The following ASTN1 variants were observed in gnomAD, a reference collection of about 807,000 sequenced individuals.
ASTN1 encodes the protein astrotactin 1, also known as astrotactin-1.
Under a neutral mutation model 140.7 loss-of-function variants are expected in ASTN1, and 41 were observed. That is an observed-to-expected ratio of 0.29 (90% CI 0.23 to 0.38). The LOEUF is 0.38. Ranked by LOEUF, ASTN1 falls within the 10% of genes least tolerant of loss-of-function variation. ASTN1 has a pLI of 1.00. For synonymous variants in ASTN1, 640 were observed against 652.2 expected, an observed-to-expected ratio of 0.98 and a Z score of 0.29; for missense variants, 1,479 against 1,678.8, an observed-to-expected ratio of 0.88 and a Z score of 2.08.
intron 16 of ASTN1, among the ~76,000 whole-genome samples, chr1:176,915,957 G>C (rs1670461154): frequency 6.6e-6 from 1 of 152,200 alleles, no homozygotes; most frequent in African/African-American, 2.4e-5. Context: ...GGAGGTATTA[G>C]AATGTTTTAC....
intron 5 of ASTN1, among the ~76,000 whole-genome samples, 195 bp from the exon 6 acceptor site, chr1:177,024,927 G>A (rs1676033530): frequency 6.6e-6 from 1 of 152,164 alleles, no homozygotes; most frequent in Non-Finnish European, 1.5e-5. Flanking sequence ...TGGAGTCAGA[G>A]GGGACTTGGC....
At chr1:177,030,262 TG>T (rs1337343788) in intron 4 of ASTN1, among the ~76,000 whole-genome samples, 1 of 152,244 alleles carries the variant, frequency 6.6e-6, no homozygotes, top group African/African-American at 2.4e-5. Flanking sequence ...ACATTTCATG[TG>T]TATACTCTCT....
chr1:177,055,678 T>C (rs960467818), intron 2 of ASTN1, among the ~76,000 whole-genome samples: 4 of 152,202 alleles, frequency 2.6e-5, no homozygotes, highest in Admixed American at 6.5e-5. Flanking sequence ...TTCCGACTTA[T>C]TACTCTATCT....
intron 1 of ASTN1, among the ~76,000 whole-genome samples, chr1:177,129,400 G>A (rs561590841): frequency 3.3e-5 from 5 of 152,238 alleles, no homozygotes; most frequent in East Asian, 1.9e-4. Context: ...CTTGTAGGTC[G>A]CAAGGAACCC....
chr1:176,950,993 C>T (rs1032759610), intron 11 of ASTN1, among the ~76,000 whole-genome samples: 1 of 152,182 alleles, frequency 6.6e-6, no homozygotes, highest in African/African-American at 2.4e-5. Context: ...TCTCCTTCCT[C>T]CTCTTTCTTA....
chr1:177,112,122 G>C (rs576980557), intron 1 of ASTN1, among the ~76,000 whole-genome samples: 1 of 152,300 alleles, frequency 6.6e-6, no homozygotes, highest in Non-Finnish European at 1.5e-5. Context: ...TGGGTTCCAG[G>C]CTGGCTGCCA....
At chr1:177,005,750 G>A (rs1674963940) in intron 8 of ASTN1, among the ~76,000 whole-genome samples, 1 of 152,058 alleles carries the variant, frequency 6.6e-6, no homozygotes, top group African/African-American at 2.4e-5. Context: ...CCGCCACCAT[G>A]GCACCCGCCA....
intron 1 of ASTN1, among the ~76,000 whole-genome samples, chr1:177,155,422 C>G (rs902450854): frequency 2.6e-5 from 4 of 151,896 alleles, no homozygotes; most frequent in Admixed American, 6.5e-5. Context: ...ATGACAAATA[C>G]TAACTATATC....
intron 2 of ASTN1, among the ~76,000 whole-genome samples, chr1:177,059,163 C>T (rs1677954436): frequency 6.6e-6 from 1 of 152,126 alleles, no homozygotes; most frequent in Non-Finnish European, 1.5e-5. Flanking sequence ...TGGTCTCAGG[C>T]CAAAACAAAA....
At chr1:176,938,297 A>G (rs1671535540) in intron 14 of ASTN1, among the ~76,000 whole-genome samples, 1 of 152,246 alleles carries the variant, frequency 6.6e-6, no homozygotes, top group South Asian at 2.1e-4. Flanking sequence ...ATGTGCATCT[A>G]TGTAGAACTA....
intron 1 of ASTN1, among the ~76,000 whole-genome samples, chr1:177,133,010 C>T (rs1682013985): frequency 6.6e-6 from 1 of 152,168 alleles, no homozygotes; most frequent in Non-Finnish European, 1.5e-5. Context: ...GTTCATAAAT[C>T]ACAATGATTC....
At position 177,010,659 on chromosome 1, in the gene ASTN1, C is replaced by G. The variant is rs570170791; in HGVS notation, c.1523+4132G>C. ...TAGCTTCACCACTAAGACCAACACA[C>G]AAATGTTTCAACCTGCCTCATTTCT... is the stretch of plus-strand genomic sequence containing the variant. On this transcript the variant is annotated intron_variant, in intron 8 of 22. Transcript: ENST00000361833. Among the ~76,000 whole-genome samples, 100 of 152,312 alleles carry G rather than the reference C, an allele frequency of 6.6e-4. 1 individual carries two copies. Among genetic ancestry groups the G allele is most frequent in the Middle Eastern group, 6.8e-3 (2 of 294 alleles).
At position 177,019,028 on chromosome 1, in the gene ASTN1, C is replaced by T. The variant is rs1675694457; in HGVS notation, c.1439-4153G>A. On this transcript the variant is annotated intron_variant, in intron 7 of 22. Coordinates refer to ENST00000361833, the MANE Select transcript of ASTN1 (RefSeq NM_004319.3). ...TCAGGGGGCTGGGGCTCTGCTGCAGCCACATAGAAGTGAAACAATTCTAAG... is the reference window on the plus strand; with the variant it reads ...TCAGGGGGCTGGGGCTCTGCTGCAGTCACATAGAAGTGAAACAATTCTAAG... Among the ~76,000 whole-genome samples, 4 of 152,284 alleles carry T rather than the reference C, an allele frequency of 2.6e-5. No individual in the cohort carries two copies. In the South Asian group the frequency reaches 8.3e-4, roughly 32 times the overall value.
chr1:177,145,277 C>A (rs1682671951), intron 1 of ASTN1, among the ~76,000 whole-genome samples: 1 of 152,146 alleles, frequency 6.6e-6, no homozygotes, highest in Admixed American at 6.5e-5. Context: ...AATACCAAGG[C>A]CCCTGGGAAA....
intron 1 of ASTN1, among the ~76,000 whole-genome samples, chr1:177,086,796 T>G (rs1439429601): frequency 6.6e-5 from 10 of 152,172 alleles, no homozygotes; most frequent in Admixed American, 3.9e-4. Flanking sequence ...TTCTCTATAT[T>G]TTTCTGCTTT....
chr1:177,121,813 C>G (rs1558110973), intron 1 of ASTN1, among the ~76,000 whole-genome samples: 1 of 152,052 alleles, frequency 6.6e-6, no homozygotes, highest in Non-Finnish European at 1.5e-5. Context: ...TGATGAGAAC[C>G]TAGATGTGAT....
intron 1 of ASTN1, among the ~76,000 whole-genome samples, chr1:177,131,094 C>G (rs1263010768): frequency 6.6e-6 from 1 of 152,154 alleles, no homozygotes; most frequent in African/African-American, 2.4e-5. Context: ...CCAAGTGGTC[C>G]TTACTGCTGT....
chr1:177,002,212 T>A (rs1674760647), intron 8 of ASTN1, among the ~76,000 whole-genome samples: 1 of 152,154 alleles, frequency 6.6e-6, no homozygotes, highest in South Asian at 2.1e-4. Flanking sequence ...AATAAACTTG[T>A]TGAGAAGGGC....
At chr1:176,920,624 G>C (rs1670685549) in intron 16 of ASTN1, among the ~76,000 whole-genome samples, 1 of 152,184 alleles carries the variant, frequency 6.6e-6, no homozygotes, top group Admixed American at 6.5e-5. Context: ...TGAATGTGGG[G>C]AGTGTGTTCT....
Sources: gnomAD v4.1 joint callset for allele counts (sites outside exome capture counted in the v4.1 genomes callset) on GRCh38, gnomAD v4.1.1 for gene constraint, MANE v1.5 for transcripts, NCBI Gene and HGNC (gene_info 2026-07-23, HGNC 2026-07-21) for gene names.